The following TSNARE1 variants were observed in gnomAD, a reference collection of about 807,000 sequenced individuals.
TSNARE1 encodes the protein t-SNARE domain containing 1, also known as t-SNARE domain-containing protein 1.
In TSNARE1, 49 loss-of-function variants were observed where a neutral mutation model predicts 62.0. The observed-to-expected ratio is 0.79, with a 90% CI of 0.63 to 1.00. The LOEUF (loss-of-function observed/expected upper bound fraction) is 1.00. TSNARE1 is among the 50% of genes least tolerant of loss of function. The pLI, the probability that TSNARE1 is intolerant of heterozygous loss-of-function variation, is 0.00. For synonymous variants in TSNARE1, 328 were observed against 294.4 expected (o/e 1.11, Z -1.17); for missense variants, 755 against 700.1 (o/e 1.08, Z -0.88).
At chr8:142,289,479 A>C (rs545258150) in intron 10 of TSNARE1, among the ~76,000 whole-genome samples, 1 of 152,286 alleles carries the variant, frequency 6.6e-6, no homozygotes, top group African/African-American at 2.4e-5. Context: ...ATCTCACGGA[A>C]CCAACTGAGA....
chr8:142,235,987 G>C (rs527954306), intron 12 of TSNARE1, among the ~76,000 whole-genome samples: 1 of 152,290 alleles, frequency 6.6e-6, no homozygotes, highest in Admixed American at 6.5e-5. Flanking sequence ...CCCCAGGGGA[G>C]ACGGGCTCAC....
intron 4 of TSNARE1, among the ~76,000 whole-genome samples, chr8:142,339,821 A>G (rs548285885): frequency 2.6e-5 from 4 of 152,336 alleles, no homozygotes; most frequent in African/African-American, 9.6e-5. Flanking sequence ...TCGCCAGCGG[A>G]GAGCAGCGGC....
At chr8:142,325,138 C>T (rs1295842025) in intron 6 of TSNARE1, among the ~76,000 whole-genome samples, 2 of 152,192 alleles carry the variant, frequency 1.3e-5, no homozygotes, top group African/African-American at 4.8e-5. Flanking sequence ...GCGAGTGGGC[C>T]GGCAAGGCCT....
chr8:142,295,348 C>A (rs933911823), intron 10 of TSNARE1, among the ~76,000 whole-genome samples: 3 of 152,238 alleles, frequency 2.0e-5, no homozygotes, highest in African/African-American at 4.8e-5. Flanking sequence ...CTGTGGCCTC[C>A]CCCACTGGGA....
intron 11 of TSNARE1, among the ~76,000 whole-genome samples, chr8:142,280,752 G>A (rs1331690789): frequency 6.6e-6 from 1 of 152,186 alleles, no homozygotes; most frequent in African/African-American, 2.4e-5. Flanking sequence ...GTGGCCAGGG[G>A]CAGAAATGGC....
rs1367874329 is a variant in TSNARE1, at chr8:142,343,996, A to C, written c.715T>G (p.Ser239Ala). The C allele has an allele frequency of 6.5e-7, 1 of 1,542,494 alleles. No homozygotes were observed. The highest frequency in any genetic ancestry group is 1.4e-5 in the African/African-American group (1 of 72,940). The part of the protein sequence containing the change: ...AKTFSCQALP[S>A]EGFSLEPPRA... ...GGCGGCTCCAGACTGAAGCCCTCGG[A>C]GGGCAGGGCCTGGCAAGAGAAGGTC... Residue 239 changes from serine to alanine, a missense_variant, in exon 4 of 14, where the codon TCC (serine) becomes GCC (alanine). Coordinates refer to ENST00000524325, the MANE Select transcript of TSNARE1 (RefSeq NM_145003.5).
intron 12 of TSNARE1, chr8:142,270,232 A>G (rs756216858): frequency 5.1e-6 from 5 of 983,214 alleles, no homozygotes; most frequent in Non-Finnish European, 6.0e-6. Context: ...GGATCTCCCA[A>G]GAGTCAAAGG....
intron 12 of TSNARE1, among the ~76,000 whole-genome samples, chr8:142,256,265 C>G (rs1818544349): frequency 7.6e-6 from 1 of 131,814 alleles, no homozygotes; most frequent in African/African-American, 2.8e-5. Flanking sequence ...ATCACCATCA[C>G]CATCACCACC....
intron 13 of TSNARE1, among the ~76,000 whole-genome samples, chr8:142,222,372 T>C (rs1357987521): frequency 0.029 from 2,080 of 71,946 alleles, 441 homozygotes; most frequent in Non-Finnish European, 0.04. Flanking sequence ...ATCCACTAAT[T>C]CACTCACTCA....
chr8:142,343,384 C>T (rs1832858369), intron 4 of TSNARE1, among the ~76,000 whole-genome samples: 1 of 151,948 alleles, frequency 6.6e-6, no homozygotes, highest in Non-Finnish European at 1.5e-5. Context: ...GCAGGAGGAA[C>T]ATGAGCACGC....
At position 142,365,166 on chromosome 8, in the gene TSNARE1, C is replaced by T. The variant is rs113594145; in HGVS notation, c.-39-10403G>A. Among the ~76,000 whole-genome samples, 552 of 152,300 alleles carry T rather than the reference C, an allele frequency of 3.6e-3. 3 individuals carry two copies. The highest frequency in any genetic ancestry group is 0.012 in the African/African-American group (519 of 41,558). ...GCCAGCACCACATACCCCTCTGACA[C>T]GATGCACAGAGAAGAACACCACTTC... On this transcript the variant is annotated intron_variant, in intron 1 of 13. Transcript: ENST00000524325.
rs1171484984 is a variant in TSNARE1, at chr8:142,403,133, G to C, written c.-69C>G. On this transcript the variant is annotated 5_prime_UTR_variant, in exon 1 of 14. Coordinates refer to ENST00000524325, the MANE Select transcript of TSNARE1 (RefSeq NM_145003.5). ...GCCTCGGTGGCTCGCGGACCGCTCC[G>C]GGCGCTCACGGCGGGCGAGGCGGGC... 1.3e-5 allele frequency: 2 copies of C among 148,596 alleles called. No homozygotes were observed. Among genetic ancestry groups the C allele is most frequent in the Non-Finnish European group, 3.0e-5 (2 of 66,516 alleles). The allele number at this position is 148,596 out of a possible 1,614,324, so 9.2% of individuals were successfully genotyped here.
intron 10 of TSNARE1, among the ~76,000 whole-genome samples, chr8:142,297,956 C>G (rs922053605): frequency 6.6e-6 from 1 of 152,366 alleles, no homozygotes; most frequent in Middle Eastern, 3.4e-3. Context: ...TCCTCTGCGT[C>G]ACCCCCATGC....
chr8:142,355,574 G>A (rs969319143), intron 1 of TSNARE1, among the ~76,000 whole-genome samples: 12 of 152,168 alleles, frequency 7.9e-5, no homozygotes, highest in African/African-American at 2.9e-4. Context: ...GAGGATAACG[G>A]GAGCTCTCCT....
At chr8:142,315,986 G>A (rs753644919) in intron 7 of TSNARE1, among the ~76,000 whole-genome samples, 3 of 152,218 alleles carry the variant, frequency 2.0e-5, no homozygotes, top group Non-Finnish European at 2.9e-5. Context: ...TTCGCTTCAC[G>A]AGGAAACTGC....
At chr8:142,401,384 C>T (rs1420827717) in intron 1 of TSNARE1, among the ~76,000 whole-genome samples, 1 of 143,232 alleles carries the variant, frequency 7.0e-6, no homozygotes, top group Non-Finnish European at 1.5e-5. Context: ...TCGACAGGCA[C>T]ACCAGTGAGA....
At chr8:142,288,878 A>G (rs551823952) in intron 10 of TSNARE1, among the ~76,000 whole-genome samples, 1 of 152,354 alleles carries the variant, frequency 6.6e-6, no homozygotes, top group African/African-American at 2.4e-5. Flanking sequence ...GCCTCCTGTG[A>G]GAGGGGACCA....
intron 11 of TSNARE1, chr8:142,277,122 T>C (rs1004719415): frequency 1.3e-4 from 128 of 985,224 alleles, no homozygotes; most frequent in Non-Finnish European, 1.5e-4. Flanking sequence ...TGTCAGGTCT[T>C]GGAGGCCCCC....
chr8:142,318,181 G>C (rs1415036071), intron 7 of TSNARE1, among the ~76,000 whole-genome samples: 1 of 152,182 alleles, frequency 6.6e-6, no homozygotes, highest in Admixed American at 6.5e-5. Flanking sequence ...CAGCAGAGGG[G>C]CAGGGGATGC....
Sources: allele counts gnomAD v4.1 joint callset (sites outside exome capture counted in the v4.1 genomes callset), GRCh38; gene constraint gnomAD v4.1.1; transcripts MANE v1.5; gene names NCBI Gene and HGNC (gene_info 2026-07-23, HGNC 2026-07-21).